The following SRBD1 variants were observed in gnomAD, a reference collection of about 807,000 sequenced individuals.
SRBD1 encodes S1 RNA binding domain 1, also known as S1 RNA-binding domain-containing protein 1.
A neutral mutation model predicts 115.3 loss-of-function variants in SRBD1; 88 were observed. The ratio of observed to expected loss-of-function variants is 0.76; its 90% CI spans 0.64 to 0.91. The LOEUF is 0.91. Ranked by LOEUF, SRBD1 falls within the 40% of genes least tolerant of loss-of-function variation. The pLI, the probability that SRBD1 is intolerant of heterozygous loss-of-function variation, is 0.00. For missense variants in SRBD1, 1,385 were observed against 1,177.4 expected, an observed-to-expected ratio of 1.18 and a Z score of -2.58; for synonymous variants, 509 against 407.7, an observed-to-expected ratio of 1.25 and a Z score of -2.99.
chr2:45,397,589 A>T (rs1194488991), intron 19 of SRBD1, among the ~76,000 whole-genome samples: 1 of 152,132 alleles, frequency 6.6e-6, no homozygotes, highest in African/African-American at 2.4e-5. Context: ...CTGCATTTTA[A>T]TCATCACTGA....
At chr2:45,551,330 C>A (rs1419550555) in intron 11 of SRBD1, 48 bp from the exon 12 acceptor site, 1 of 1,551,340 alleles carries the variant, frequency 6.4e-7, no homozygotes, top group East Asian at 2.3e-5. Context: ...CCCAAATTTT[C>A]TTTCCAGAAA....
intron 16 of SRBD1, among the ~76,000 whole-genome samples, chr2:45,450,442 T>G (rs1668959526): frequency 6.6e-6 from 1 of 152,140 alleles, no homozygotes; most frequent in South Asian, 2.1e-4. Flanking sequence ...AATCTACAGC[T>G]TTAGTAGTAA....
chr2:45,561,202 T>C (rs1672655089), intron 10 of SRBD1, among the ~76,000 whole-genome samples: 1 of 152,236 alleles, frequency 6.6e-6, no homozygotes, highest in South Asian at 2.1e-4. Flanking sequence ...TATAAATAAA[T>C]GCTAATTGTA....
chr2:45,547,431 C>T (rs1672155365), intron 13 of SRBD1, 91 bp downstream of exon 13: 5 of 1,117,714 alleles, frequency 4.5e-6, no homozygotes, highest in Non-Finnish European at 6.6e-6. Flanking sequence ...AAAGGCACCT[C>T]CCTTAATCCC....
chr2:45,546,928 T>A, intron 13 of SRBD1, 89 bp from the exon 14 acceptor site: 1 of 1,213,166 alleles, frequency 8.2e-7, no homozygotes. Context: ...CAAATACTAT[T>A]ATATGATTCT....
intron 14 of SRBD1, among the ~76,000 whole-genome samples, chr2:45,539,668 A>C (rs574799861): frequency 6.6e-6 from 1 of 152,210 alleles, no homozygotes; most frequent in Non-Finnish European, 1.5e-5. Flanking sequence ...AAAAAACTCA[A>C]GCCGAGAATT....
intron 16 of SRBD1, among the ~76,000 whole-genome samples, chr2:45,426,613 T>A (rs1387849627): frequency 6.6e-6 from 1 of 152,106 alleles, no homozygotes; most frequent in African/African-American, 2.4e-5. Context: ...CCAGCTGGCA[T>A]CTGGCGGGTG....
chr2:45,394,039 T>C (rs1422094357), intron 19 of SRBD1, among the ~76,000 whole-genome samples: 2 of 151,858 alleles, frequency 1.3e-5, no homozygotes, highest in Admixed American at 1.3e-4. Flanking sequence ...ACAGAAAAAA[T>C]ATAGGAGGGG....
intron 3 of SRBD1, among the ~76,000 whole-genome samples, chr2:45,601,131 T>G (rs1185950928): frequency 1.3e-5 from 2 of 152,224 alleles, no homozygotes; most frequent in Non-Finnish European, 2.9e-5. Flanking sequence ...AGCCACTGTC[T>G]TAGCTTCAAG....
intron 16 of SRBD1, among the ~76,000 whole-genome samples, chr2:45,420,944 A>G (rs1465069639): frequency 6.6e-6 from 1 of 152,230 alleles, no homozygotes; most frequent in East Asian, 1.9e-4. Context: ...TACATGTGCC[A>G]TGTTGGTGGT....
At chr2:45,603,316 G>C (rs1218576916) in intron 2 of SRBD1, among the ~76,000 whole-genome samples, 1 of 152,148 alleles carries the variant, frequency 6.6e-6, no homozygotes, top group African/African-American at 2.4e-5. Context: ...GCTCTCAGGA[G>C]CATCTGGCAC....
intron 14 of SRBD1, among the ~76,000 whole-genome samples, chr2:45,542,409 C>G (rs1248587401): frequency 6.6e-6 from 1 of 152,206 alleles, no homozygotes; most frequent in Non-Finnish European, 1.5e-5. Flanking sequence ...TGTAGCTGGG[C>G]AGCTGCAACT....
At chr2:45,601,696 C>T (rs1311980796) in intron 3 of SRBD1, among the ~76,000 whole-genome samples, 1 of 152,210 alleles carries the variant, frequency 6.6e-6, no homozygotes, top group Admixed American at 6.5e-5. Flanking sequence ...ACCAGCACTA[C>T]CACACCCAGA....
intron 16 of SRBD1, among the ~76,000 whole-genome samples, chr2:45,456,776 T>G (rs1014936979): frequency 6.6e-6 from 1 of 151,954 alleles, no homozygotes; most frequent in Non-Finnish European, 1.5e-5. Context: ...CTACTGGGAA[T>G]GCTAAGTGAA....
intron 1 of SRBD1, among the ~76,000 whole-genome samples, chr2:45,610,802 C>T (rs528063491): frequency 2.0e-5 from 3 of 152,176 alleles, no homozygotes; most frequent in African/African-American, 7.2e-5. Context: ...ATGACGGGCG[C>T]CTGTAGCCCC....
Position 45,507,933 on chromosome 2 carries a change from C to A in SRBD1, c.1875-19602G>T, listed in dbSNP as rs1438059046. Among the ~76,000 whole-genome samples, 8 of 151,916 alleles carry A rather than the reference C, an allele frequency of 5.3e-5. No homozygotes were observed. In the East Asian group the frequency reaches 1.6e-3, roughly 29 times the overall value. On this transcript the variant is annotated intron_variant, in intron 14 of 20. Transcript: ENST00000263736. ...ATTCATAAGTGGCAGAAAAAAAGAACCAAAATAAATAAATAAATAAATGAA... is the reference window on the plus strand; with the variant it reads ...ATTCATAAGTGGCAGAAAAAAAGAAACAAAATAAATAAATAAATAAATGAA...
At chr2:45,460,000 T>C (rs934891430) in intron 16 of SRBD1, among the ~76,000 whole-genome samples, 4 of 152,338 alleles carry the variant, frequency 2.6e-5, no homozygotes, top group Non-Finnish European at 4.4e-5. Flanking sequence ...TCAATGAGCA[T>C]AGTTATGTGC....
chr2:45,434,529 T>C (rs533863743), intron 16 of SRBD1, among the ~76,000 whole-genome samples: 1 of 152,198 alleles, frequency 6.6e-6, no homozygotes, highest in Non-Finnish European at 1.5e-5. Context: ...ATCTCCTACC[T>C]CTAAAAACAG....
intron 14 of SRBD1, among the ~76,000 whole-genome samples, chr2:45,499,629 G>T (rs375457414): frequency 6.6e-6 from 1 of 152,046 alleles, no homozygotes; most frequent in Non-Finnish European, 1.5e-5. Context: ...ATAGTTTCAG[G>T]TCTTACATTT....
Sources: allele counts gnomAD v4.1 joint callset (sites outside exome capture counted in the v4.1 genomes callset), GRCh38; gene constraint gnomAD v4.1.1; transcripts MANE v1.5; gene names NCBI Gene and HGNC (gene_info 2026-07-23, HGNC 2026-07-21).